Variants in FAM107B observed in about 807,000 individuals in gnomAD.
FAM107B encodes the protein family with sequence similarity 107 member B, also known as protein FAM107B.
FAM107B carries 21 observed loss-of-function variants against 31.5 expected under a neutral mutation model. The ratio of observed to expected loss-of-function variants is 0.67; its 90% CI spans 0.47 to 0.96. FAM107B has a LOEUF of 0.96. Among genes scored for constraint, FAM107B ranks in the 40% least tolerant of loss-of-function variants. The probability of loss-of-function intolerance (pLI) is 0.00; values close to 1 mark genes in which losing one functional copy is unlikely to be tolerated. For synonymous variants in FAM107B, 157 were observed against 141.5 expected (o/e 1.11, Z -0.78); for missense variants, 452 against 377.1 (o/e 1.20, Z -1.64).
intron 2 of FAM107B, among the ~76,000 whole-genome samples, chr10:14,593,413 C>T (rs1852082064): frequency 6.6e-6 from 1 of 152,112 alleles, no homozygotes; most frequent in South Asian, 2.1e-4. Flanking sequence ...AAGTTTACTG[C>T]TGGCCGGGCG....
At chr10:14,608,028 C>T (rs936507205) in intron 2 of FAM107B, among the ~76,000 whole-genome samples, 1 of 152,116 alleles carries the variant, frequency 6.6e-6, no homozygotes, top group East Asian at 1.9e-4. Flanking sequence ...TATTTGGGGA[C>T]GTAAAATGAT....
intron 2 of FAM107B, among the ~76,000 whole-genome samples, chr10:14,646,976 A>G (rs1418039872): frequency 6.6e-6 from 1 of 151,502 alleles, no homozygotes; most frequent in Non-Finnish European, 1.5e-5. Context: ...TTGTATTTTT[A>G]GTAGAGACGG....
intron 2 of FAM107B, among the ~76,000 whole-genome samples, chr10:14,644,791 A>G (rs4463750): frequency 0.35 from 53,178 of 152,140 alleles, 9,576 homozygotes; most frequent in East Asian, 0.58. Flanking sequence ...CACAAAAACC[A>G]TCCTCCTTTT....
chr10:14,529,940 G>A (rs183568298), intron 3 of FAM107B: 1 of 171,684 alleles, frequency 5.8e-6, no homozygotes, highest in African/African-American at 2.4e-5. Context: ...GGAGTAGGCG[G>A]CAATTACATG....
At chr10:14,701,106 G>T (rs1334999307) in intron 1 of FAM107B, among the ~76,000 whole-genome samples, 1 of 152,106 alleles carries the variant, frequency 6.6e-6, no homozygotes, top group Non-Finnish European at 1.5e-5. Flanking sequence ...ATTTTTTAAT[G>T]TCCTAATTTC....
At chr10:14,706,164 A>G (rs755827527) in intron 1 of FAM107B, among the ~76,000 whole-genome samples, 9 of 152,170 alleles carry the variant, frequency 5.9e-5, no homozygotes, top group Non-Finnish European at 1.3e-4. Flanking sequence ...GCTGTGCACA[A>G]ACTGTCTTTG....
intron 2 of FAM107B, among the ~76,000 whole-genome samples, chr10:14,666,843 G>C (rs542006318): frequency 6.6e-6 from 1 of 152,222 alleles, no homozygotes; most frequent in African/African-American, 2.4e-5. Flanking sequence ...CCAGAGTAGG[G>C]TGCTACTTTT....
At chr10:14,579,273 T>C (rs188006895) in intron 2 of FAM107B, among the ~76,000 whole-genome samples, 201 of 152,314 alleles carry the variant, frequency 1.3e-3, no homozygotes, top group South Asian at 6.0e-3. Flanking sequence ...TACCAATTAG[T>C]AGAATTCCTT....
At chr10:14,596,470 C>G (rs1852191932) in intron 2 of FAM107B, among the ~76,000 whole-genome samples, 1 of 152,092 alleles carries the variant, frequency 6.6e-6, no homozygotes, top group Non-Finnish European at 1.5e-5. Flanking sequence ...TAAATAGTTG[C>G]TGAATGAATG....
intron 2 of FAM107B, among the ~76,000 whole-genome samples, chr10:14,617,440 G>A (rs918669018): frequency 1.3e-5 from 2 of 152,178 alleles, no homozygotes; most frequent in African/African-American, 2.4e-5. Context: ...AAGGAGTCAA[G>A]CCACTCAGGA....
intron 1 of FAM107B, among the ~76,000 whole-genome samples, chr10:14,695,973 T>C (rs1855255444): frequency 6.6e-6 from 1 of 152,232 alleles, no homozygotes; most frequent in South Asian, 2.1e-4. Flanking sequence ...CTTTTCTTTC[T>C]TCTTCTTCTG....
At chr10:14,604,227 G>C (rs1477957208) in intron 2 of FAM107B, 2 of 979,688 alleles carry the variant, frequency 2.0e-6, no homozygotes, top group African/African-American at 1.8e-5. Context: ...GTAAGTGCGG[G>C]AGGCGAACCT....
intron 2 of FAM107B, among the ~76,000 whole-genome samples, chr10:14,617,386 C>G (rs944777522): frequency 6.6e-6 from 1 of 152,168 alleles, no homozygotes; most frequent in Non-Finnish European, 1.5e-5. Context: ...ACATGTCTCT[C>G]AAACTTGCAA....
intron 2 of FAM107B, among the ~76,000 whole-genome samples, chr10:14,607,917 A>T (rs1401146333): frequency 1.3e-5 from 2 of 152,220 alleles, no homozygotes; most frequent in African/African-American, 4.8e-5. Context: ...AGCAACCTAC[A>T]GGGTCACCCA....
intron 1 of FAM107B, among the ~76,000 whole-genome samples, chr10:14,688,973 G>A (rs1216668034): frequency 6.6e-6 from 1 of 152,110 alleles, no homozygotes; most frequent in African/African-American, 2.4e-5. Context: ...GTAATCTAAG[G>A]GCAAGCATTC....
intron 1 of FAM107B, among the ~76,000 whole-genome samples, chr10:14,738,313 A>G (rs1415476205): frequency 6.6e-6 from 1 of 152,150 alleles, no homozygotes; most frequent in Non-Finnish European, 1.5e-5. Context: ...GGGAAAAGAT[A>G]AGGCGTAGTT....
intron 1 of FAM107B, among the ~76,000 whole-genome samples, chr10:14,673,378 A>T (rs1372285028): frequency 1.3e-5 from 2 of 152,176 alleles, no homozygotes; most frequent in African/African-American, 4.8e-5. Context: ...ATGAGTCAGA[A>T]CATGTGGTAT....
At chr10:14,761,529 G>A (rs1833047560) in intron 1 of FAM107B, among the ~76,000 whole-genome samples, 1 of 152,186 alleles carries the variant, frequency 6.6e-6, no homozygotes, top group African/African-American at 2.4e-5. Flanking sequence ...GTTTGAGTAA[G>A]ATTTTCTGGG....
At chr10:14,701,213 CT>C (rs1365013108) in intron 1 of FAM107B, among the ~76,000 whole-genome samples, 3 of 151,898 alleles carry the variant, frequency 2.0e-5, no homozygotes, top group African/African-American at 7.3e-5. Context: ...GGCAGAAACT[CT>C]TCATTTTATT....
Sources: gnomAD v4.1 joint callset for allele counts (sites outside exome capture counted in the v4.1 genomes callset) on GRCh38, gnomAD v4.1.1 for gene constraint, MANE v1.5 for transcripts, NCBI Gene and HGNC (gene_info 2026-07-23, HGNC 2026-07-21) for gene names.